BMPR2: variants seen among roughly 807,000 people sequenced by gnomAD.
The protein encoded by BMPR2 is bone morphogenetic protein receptor type 2, also known as bone morphogenetic protein receptor type-2.
BMPR2 carries 29 observed loss-of-function variants against 100.8 expected under a neutral mutation model. The ratio of observed to expected loss-of-function variants is 0.29; its 90% CI spans 0.21 to 0.39. The LOEUF (loss-of-function observed/expected upper bound fraction) is 0.39. Among genes scored for constraint, BMPR2 ranks in the 10% least tolerant of loss-of-function variants. The pLI is 1.00. For missense variants in BMPR2, 1,011 were observed against 1,274.5 expected (o/e 0.79, Z 3.15); for synonymous variants, 382 against 442.3 (o/e 0.86, Z 1.71).
intron 9 of BMPR2, among the ~76,000 whole-genome samples, chr2:202,534,165 AGT>A (rs1054342436): frequency 6.7e-6 from 1 of 149,630 alleles, no homozygotes; most frequent in Non-Finnish European, 1.5e-5. Flanking sequence ...ATATATATCA[AGT>A]GTGTGTATAT....
chr2:202,462,878 A>G (rs576554353), intron 1 of BMPR2, among the ~76,000 whole-genome samples: 18 of 151,864 alleles, frequency 1.2e-4, no homozygotes, highest in Admixed American at 2.0e-4. Context: ...TGCCCGGCTA[A>G]TTTTTTGTAT....
chr2:202,435,768 A>G (rs1300714931), intron 1 of BMPR2, among the ~76,000 whole-genome samples: 2 of 150,262 alleles, frequency 1.3e-5, no homozygotes, highest in Non-Finnish European at 2.9e-5. Context: ...CTGTGTTTAG[A>G]TACACAGATA....
At chr2:202,432,270 C>T (rs1377245660) in intron 1 of BMPR2, among the ~76,000 whole-genome samples, 2 of 150,866 alleles carry the variant, frequency 1.3e-5, no homozygotes, top group East Asian at 3.9e-4. Flanking sequence ...TCCATGTTCA[C>T]ATATAAGCAG....
At position 202,503,473 on chromosome 2, in the gene BMPR2, C is replaced by T. The variant is rs1436109857; in HGVS notation, c.419-10246C>T. Among the ~76,000 whole-genome samples, 6 of 152,228 alleles carry T rather than the reference C, an allele frequency of 3.9e-5. No homozygotes were observed. Among genetic ancestry groups the T allele is most frequent in the East Asian group, 1.9e-4 (1 of 5,192 alleles). On this transcript the variant is annotated intron_variant, in intron 3 of 12. Coordinates refer to ENST00000374580, the MANE Select transcript of BMPR2 (RefSeq NM_001204.7). The surrounding 1 kb of genome is among the most constrained non-coding windows in gnomAD (Gnocchi z 4.0). ...GCATGGGCTTGGCGGGCCCCGCACT[C>T]GGAGCAGCCAGCCCCGGGCAATGAG...
chr2:202,410,485 A>T (rs1690990983), intron 1 of BMPR2, among the ~76,000 whole-genome samples: 1 of 152,236 alleles, frequency 6.6e-6, no homozygotes, highest in Non-Finnish European at 1.5e-5. Context: ...AAGACAAAAT[A>T]AATAATCATA....
At chr2:202,484,837 C>T (rs1692738867) in intron 3 of BMPR2, among the ~76,000 whole-genome samples, 1 of 150,784 alleles carries the variant, frequency 6.6e-6, no homozygotes, top group African/African-American at 2.4e-5. Flanking sequence ...GGCGTGGTGG[C>T]GGTTGCCTGT....
chr2:202,542,859 G>T, intron 10 of BMPR2, among the ~76,000 whole-genome samples: 1 of 152,228 alleles, frequency 6.6e-6, no homozygotes, highest in African/African-American at 2.4e-5. Context: ...CCAAGGCGCA[G>T]CCTATGAATT....
intron 1 of BMPR2, among the ~76,000 whole-genome samples, chr2:202,395,781 C>G (rs1690645639): frequency 6.6e-6 from 1 of 151,952 alleles, no homozygotes; most frequent in Non-Finnish European, 1.5e-5. Flanking sequence ...ACTAAAAATA[C>G]AAAAATTAGC....
In BMPR2 at chr2:202,495,444, C is replaced by T. The variant is rs941047246; in HGVS notation, c.419-18275C>T. On this transcript the variant is annotated intron_variant, in intron 3 of 12. Transcript: ENST00000374580. The surrounding 1 kb of genome is among the most constrained non-coding windows in gnomAD (Gnocchi z 4.5). ...CGTTGTGCTCTTCTGCTGGCGTGCTCCTCTCGACGACCAGCCACTTTCTTC... is the reference window on the plus strand; with the variant it reads ...CGTTGTGCTCTTCTGCTGGCGTGCTTCTCTCGACGACCAGCCACTTTCTTC... Among the ~76,000 whole-genome samples the T allele has an allele frequency of 1.3e-5, 2 of 152,184 alleles. No individual in the cohort carries two copies. Among genetic ancestry groups the T allele is most frequent in the African/African-American group, 4.8e-5 (2 of 41,438 alleles).
chr2:202,489,001 C>CT lies in BMPR2; in HGVS notation c.418+21329dup, dbSNP rs199776901. 3.0e-3 allele frequency among the ~76,000 whole-genome samples: 418 copies of CT among 137,278 alleles called. 4 individuals are homozygous for CT. The highest frequency in any genetic ancestry group is 9.9e-3 in the East Asian group (47 of 4,768). 90.1% of individuals were successfully genotyped at this position (137,278 alleles called of 152,430 possible). ...TCATAAGGTATCTGTCTTTTTGTTACTTTTTTTTTTTTTTTTTGAGGTGGA... is the reference window on the plus strand; with the variant it reads ...TCATAAGGTATCTGTCTTTTTGTTACTTTTTTTTTTTTTTTTTTGAGGTGGA... On this transcript the variant is annotated intron_variant, in intron 3 of 12. Coordinates refer to ENST00000374580, the MANE Select transcript of BMPR2 (RefSeq NM_001204.7).
intron 1 of BMPR2, among the ~76,000 whole-genome samples, chr2:202,395,425 T>C (rs1428882077): frequency 6.6e-6 from 1 of 152,232 alleles, no homozygotes; most frequent in Non-Finnish European, 1.5e-5. Flanking sequence ...TCACTGAATA[T>C]ATACTATGTT....
intron 7 of BMPR2, among the ~76,000 whole-genome samples, chr2:202,526,321 A>G (rs930890679): frequency 2.6e-5 from 4 of 152,168 alleles, no homozygotes; most frequent in South Asian, 2.1e-4. Context: ...TAGCCCTGAC[A>G]TTATTTTTTC....
chr2:202,449,826 G>A (rs947967134), intron 1 of BMPR2, among the ~76,000 whole-genome samples: 3 of 152,040 alleles, frequency 2.0e-5, no homozygotes, highest in Admixed American at 1.3e-4. Flanking sequence ...GGCTGGGTGC[G>A]GTGGCTCACG....
At chr2:202,410,410 A>C (rs879344864) in intron 1 of BMPR2, among the ~76,000 whole-genome samples, 7 of 152,222 alleles carry the variant, frequency 4.6e-5, no homozygotes, top group African/African-American at 1.7e-4. Context: ...AAAGTAACTA[A>C]AAAATGATAG....
At chr2:202,531,565 T>C (rs1454966917) in intron 8 of BMPR2, among the ~76,000 whole-genome samples, 1 of 152,232 alleles carries the variant, frequency 6.6e-6, no homozygotes, top group Non-Finnish European at 1.5e-5. Context: ...TTCCCAACTT[T>C]GTTCTCTGCA....
chr2:202,431,101 AAAAT>A (rs1691494469), intron 1 of BMPR2, among the ~76,000 whole-genome samples: 1 of 150,852 alleles, frequency 6.6e-6, no homozygotes, highest in Non-Finnish European at 1.5e-5. Flanking sequence ...TCAATCTGCT[AAAAT>A]ATGCTACTTC....
chr2:202,567,126 T>C lies in BMPR2; in HGVS notation c.*7180T>C, dbSNP rs1688776226. ...TTATGTAAGCTGGAATCATCCTCAG[T>C]TTTTTGCTGATAATTTTTCAAATAA... On this transcript the variant is annotated 3_prime_UTR_variant, in exon 13 of 13. Transcript: ENST00000374580. The C allele has an allele frequency of 6.6e-6, 1 of 152,280 alleles. No individual in the cohort carries two copies. The highest frequency in any genetic ancestry group is 2.4e-5 in the African/African-American group (1 of 41,442). 9.4% of individuals were successfully genotyped at this position (152,280 alleles called of 1,614,324 possible).
intron 1 of BMPR2, among the ~76,000 whole-genome samples, chr2:202,413,853 T>G (rs1298565453): frequency 2.0e-5 from 3 of 152,054 alleles, no homozygotes; most frequent in African/African-American, 7.2e-5. Flanking sequence ...TTAGTAGAGA[T>G]GAGGTTTCAC....
chr2:202,429,350 TA>T (rs1184140316), intron 1 of BMPR2, among the ~76,000 whole-genome samples: 2 of 270 alleles, frequency 7.4e-3, no homozygotes, highest in Admixed American at 0.083. Context: ...CATCATTTCC[TA>T]CTACTACTCC....
Sources: gnomAD v4.1 joint callset for allele counts (sites outside exome capture counted in the v4.1 genomes callset) on GRCh38, gnomAD v4.1.1 for gene constraint, Gnocchi (gnomAD v3.1) non-coding constraint, MANE v1.5 for transcripts, NCBI Gene and HGNC (gene_info 2026-07-23, HGNC 2026-07-21) for gene names.